XRCC5: variants seen among roughly 807,000 people sequenced by gnomAD.
XRCC5 encodes the protein DNA repair protein Ku80.
Under a neutral mutation model 95.7 loss-of-function variants are expected in XRCC5, and 12 were observed. The ratio of observed to expected loss-of-function variants is 0.13; its 90% CI spans 0.08 to 0.20. The LOEUF is 0.20. XRCC5 is among the 10% of genes least tolerant of loss of function. The probability of loss-of-function intolerance (pLI) is 1.00; values close to 1 mark genes in which losing one functional copy is unlikely to be tolerated. For missense variants in XRCC5, 595 were observed against 873.9 expected (o/e 0.68, Z 4.02); for synonymous variants, 281 against 290.3 (o/e 0.97, Z 0.33).
Position 216,203,469 on chromosome 2 carries a change from G to A in XRCC5, c.2110-853G>A, listed in dbSNP as rs1689881239. Among the ~76,000 whole-genome samples, 3 of 152,142 alleles carry A rather than the reference G, an allele frequency of 2.0e-5. No homozygotes were observed. The South Asian group carries it at 6.2e-4, about 32-fold the overall frequency. On this transcript the variant is annotated intron_variant, in intron 19 of 20. Transcript: ENST00000392132. ...GCTGCCACATGCCTTGAAGGAAAAG[G>A]CTCCCCACTGCTATCCCTTGGAGGG...
At chr2:216,147,715 A>T (rs1056707631) in intron 13 of XRCC5, among the ~76,000 whole-genome samples, 1 of 152,164 alleles carries the variant, frequency 6.6e-6, no homozygotes, top group South Asian at 2.1e-4. Flanking sequence ...AGAGAGATAA[A>T]AGGATTATAA....
chr2:216,116,620 T>C (rs755278510), intron 2 of XRCC5, 39 bp from the exon 3 acceptor site: 29 of 1,612,346 alleles, frequency 1.8e-5, no homozygotes, highest in Non-Finnish European at 2.3e-5. Flanking sequence ...TTCCAGATTG[T>C]TCTAATATGG....
chr2:216,135,374 T>C (rs1697058530), intron 10 of XRCC5, among the ~76,000 whole-genome samples: 1 of 151,084 alleles, frequency 6.6e-6, no homozygotes, highest in African/African-American at 2.4e-5. Context: ...GTATGAGACC[T>C]GCCCCCAGTC....
intron 14 of XRCC5, among the ~76,000 whole-genome samples, chr2:216,157,236 TTTG>T (rs1212335962): frequency 1.8e-3 from 157 of 87,040 alleles, no homozygotes; most frequent in Non-Finnish European, 2.4e-3. Flanking sequence ...TTGTTTTTTT[TTTG>T]TTGTTGTTTT....
At chr2:216,110,890 G>GT (rs41296908) in intron 1 of XRCC5, among the ~76,000 whole-genome samples, 11,568 of 148,004 alleles carry the variant, frequency 0.078, 1,432 homozygotes, top group African/African-American at 0.26. Context: ...TTATTAGCAC[G>GT]TTTTTTTTTT....
At chr2:216,204,992 T>C (rs964989796) in intron 20 of XRCC5, among the ~76,000 whole-genome samples, 196 bp from the exon 21 acceptor site, 2 of 152,230 alleles carry the variant, frequency 1.3e-5, no homozygotes, top group South Asian at 4.1e-4. Flanking sequence ...TGTCAATCTT[T>C]TTTAGAGACA....
chr2:216,166,993 T>C (rs1178428941), intron 16 of XRCC5, among the ~76,000 whole-genome samples: 2 of 152,150 alleles, frequency 1.3e-5, no homozygotes, highest in East Asian at 3.9e-4. Context: ...CCACTGAGAT[T>C]GTAGTTTCTG....
intron 17 of XRCC5, 68 bp downstream of exon 17, chr2:216,190,402 A>G: frequency 1.5e-6 from 2 of 1,373,654 alleles, no homozygotes; most frequent in Non-Finnish European, 1.0e-6. Context: ...AGAGGCATAC[A>G]GCATCCTGGA....
rs148844191 is a variant in XRCC5 at position 216,169,768 on chromosome 2, G to A, written c.1834+7720G>A. Among the ~76,000 whole-genome samples the A allele has an allele frequency of 1.9e-4, 29 of 151,740 alleles. No individual in the cohort carries two copies. In the East Asian group the frequency reaches 3.9e-3, roughly 20 times the overall value. On this transcript the variant is annotated intron_variant, in intron 16 of 20. Transcript: ENST00000392132. Reference sequence around the variant, plus strand: ...GGGGTATAATGAAATGCACCTGGCCGGGCGCAGTGGCTCATGGCTATAATC... The same window carrying A: ...GGGGTATAATGAAATGCACCTGGCCAGGCGCAGTGGCTCATGGCTATAATC...
intron 11 of XRCC5, 39 bp from the exon 12 acceptor site, chr2:216,138,050 T>G: frequency 6.6e-7 from 1 of 1,509,984 alleles, no homozygotes; most frequent in East Asian, 2.3e-5. Context: ...TTTCATTAAT[T>G]TCATCGTTTC....
intron 13 of XRCC5, among the ~76,000 whole-genome samples, chr2:216,147,503 TAGC>T (rs1688657568): frequency 6.6e-6 from 1 of 152,108 alleles, no homozygotes; most frequent in Non-Finnish European, 1.5e-5. Flanking sequence ...GCAAGAATGG[TAGC>T]AGTGGGGAGA....
intron 13 of XRCC5, 42 bp downstream of exon 13, chr2:216,141,361 A>G (rs1441022906): frequency 1.2e-6 from 2 of 1,611,400 alleles, no homozygotes; most frequent in African/African-American, 2.7e-5. Flanking sequence ...CTTTTAAATG[A>G]AAGAGAGCTA....
intron 6 of XRCC5, among the ~76,000 whole-genome samples, chr2:216,124,824 T>C (rs1173436978): frequency 6.6e-6 from 1 of 152,234 alleles, no homozygotes; most frequent in South Asian, 2.1e-4. Context: ...CTTATTTTAG[T>C]GAATACCACA....
At chr2:216,177,167 C>T (rs1230967001) in intron 16 of XRCC5, among the ~76,000 whole-genome samples, 1 of 152,160 alleles carries the variant, frequency 6.6e-6, no homozygotes, top group African/African-American at 2.4e-5. Context: ...CATGTATTCA[C>T]CTGTTACTAG....
At chr2:216,127,830 G>A in intron 8 of XRCC5, 156 bp downstream of exon 8, 1 of 799,350 alleles carries the variant, frequency 1.3e-6, no homozygotes, top group Non-Finnish European at 1.8e-6. Flanking sequence ...AGGTCCTTTA[G>A]CTCATTTGTT....
At chr2:216,187,859 T>TC (rs776198918) in intron 16 of XRCC5, among the ~76,000 whole-genome samples, 4,140 of 110,206 alleles carry the variant, frequency 0.038, 158 homozygotes, top group Non-Finnish European at 0.047. Flanking sequence ...TCTCTCTCTC[T>TC]CTCCCCGTCT....
chr2:216,199,272 G>C (rs1689790901), intron 19 of XRCC5, among the ~76,000 whole-genome samples: 1 of 151,992 alleles, frequency 6.6e-6, no homozygotes, highest in Non-Finnish European at 1.5e-5. Context: ...AATTATCCAG[G>C]GATGTTCATT....
chr2:216,162,750 C>T (rs576861385), intron 16 of XRCC5, among the ~76,000 whole-genome samples: 5 of 152,272 alleles, frequency 3.3e-5, no homozygotes, highest in African/African-American at 9.6e-5. Flanking sequence ...GTTTGTGGCC[C>T]ATTTATAGTA....
chr2:216,123,506 TATC>T (rs1696852123), intron 6 of XRCC5, among the ~76,000 whole-genome samples: 1 of 152,142 alleles, frequency 6.6e-6, no homozygotes, highest in South Asian at 2.1e-4. Context: ...TTACCCATGA[TATC>T]ACAAAGAAAA....
Sources: allele counts gnomAD v4.1 joint callset (sites outside exome capture counted in the v4.1 genomes callset), GRCh38; gene constraint gnomAD v4.1.1; transcripts MANE v1.5; gene names NCBI Gene and HGNC (gene_info 2026-07-23, HGNC 2026-07-21).